The following GABRG1 variants were observed in gnomAD, a reference collection of about 807,000 sequenced individuals.
The protein encoded by GABRG1 is gamma-aminobutyric acid receptor subunit gamma-1.
A neutral mutation model predicts 49.8 loss-of-function variants in GABRG1; 49 were observed. That is an observed-to-expected ratio of 0.98 (90% CI 0.78 to 1.25). GABRG1 has a LOEUF of 1.25. Among genes scored for constraint, GABRG1 ranks in the 50% most tolerant of loss-of-function variants. GABRG1 has a pLI of 0.00. For synonymous variants in GABRG1, 232 were observed against 185.1 expected (o/e 1.25, Z -2.06); for missense variants, 552 against 552.3 (o/e 1.00, Z 0.01).
chr4:46,065,156 T>C (rs543647956), intron 4 of GABRG1, among the ~76,000 whole-genome samples: 34 of 152,266 alleles, frequency 2.2e-4, no homozygotes, highest in African/African-American at 7.5e-4. Context: ...TCAAAGAATT[T>C]TTTCTCTTTG....
intron 1 of GABRG1, among the ~76,000 whole-genome samples, chr4:46,123,222 G>A (rs1023717615): frequency 5.5e-4 from 83 of 150,618 alleles, no homozygotes; most frequent in African/African-American, 2.0e-3. Flanking sequence ...CTCAAAGCTG[G>A]TTCAAATTAA....
chr4:46,049,188 G>A (rs1450551567), intron 8 of GABRG1, among the ~76,000 whole-genome samples: 2 of 151,902 alleles, frequency 1.3e-5, no homozygotes, highest in African/African-American at 4.8e-5. Flanking sequence ...AGGCTTAATG[G>A]CAAGATGCTA....
At chr4:46,056,989 C>A (rs191724971) in intron 7 of GABRG1, among the ~76,000 whole-genome samples, 1 of 152,174 alleles carries the variant, frequency 6.6e-6, no homozygotes, top group African/African-American at 2.4e-5. Flanking sequence ...ATAAATAATC[C>A]ATTCAAATTC....
At chr4:46,049,285 C>G (rs1425068328) in intron 8 of GABRG1, among the ~76,000 whole-genome samples, 1 of 151,810 alleles carries the variant, frequency 6.6e-6, no homozygotes, top group African/African-American at 2.4e-5. Context: ...GTTGCCTGTT[C>G]CTCATAAAAG....
At chr4:46,119,988 T>C (rs2109448560) in intron 1 of GABRG1, among the ~76,000 whole-genome samples, 1 of 151,848 alleles carries the variant, frequency 6.6e-6, no homozygotes, top group African/African-American at 2.4e-5. Context: ...AAATTTTAAG[T>C]GCTAGTTTCT....
At chr4:46,060,139 GA>G (rs1026313026) in intron 5 of GABRG1, among the ~76,000 whole-genome samples, 14 of 152,036 alleles carry the variant, frequency 9.2e-5, no homozygotes, top group Admixed American at 8.5e-4. Context: ...CCAAGTGAAA[GA>G]AATTTGGGCT....
chr4:46,104,631 T>A (rs1365216570), intron 1 of GABRG1, among the ~76,000 whole-genome samples: 1 of 151,490 alleles, frequency 6.6e-6, no homozygotes, highest in East Asian at 2.0e-4. Context: ...AAAACACCTA[T>A]TTATATGTAT....
At chr4:46,122,399 C>A (rs1721113548) in intron 1 of GABRG1, among the ~76,000 whole-genome samples, 2 of 151,804 alleles carry the variant, frequency 1.3e-5, no homozygotes, top group Non-Finnish European at 2.9e-5. Context: ...TATGTGTATA[C>A]CTAAATATCT....
At chr4:46,116,947 T>C (rs1720912169) in intron 1 of GABRG1, among the ~76,000 whole-genome samples, 1 of 150,550 alleles carries the variant, frequency 6.6e-6, no homozygotes, top group African/African-American at 2.4e-5. Flanking sequence ...CTATTACACG[T>C]GCTGGAAAAT....
At chr4:46,057,084 AT>A (rs1718481546) in intron 7 of GABRG1, among the ~76,000 whole-genome samples, 2 of 152,136 alleles carry the variant, frequency 1.3e-5, no homozygotes, top group African/African-American at 4.8e-5. Context: ...CAAAAATACT[AT>A]GGTTAAGTTA....
At chr4:46,074,931 A>G (rs1719268332) in intron 3 of GABRG1, among the ~76,000 whole-genome samples, 1 of 152,056 alleles carries the variant, frequency 6.6e-6, no homozygotes, top group South Asian at 2.1e-4. Context: ...TCTGATTCTG[A>G]GACTTACTAG....
chr4:46,083,602 T>C (rs1296892734), intron 3 of GABRG1, among the ~76,000 whole-genome samples: 1 of 151,664 alleles, frequency 6.6e-6, no homozygotes, highest in Admixed American at 6.6e-5. Context: ...TATCAGGCTG[T>C]TTCATTCCTC....
At chr4:46,113,141 C>T (rs565015196) in intron 1 of GABRG1, among the ~76,000 whole-genome samples, 1 of 151,084 alleles carries the variant, frequency 6.6e-6, no homozygotes, top group Middle Eastern at 3.4e-3. Context: ...CCTCCTTGCC[C>T]GGCTTATTTG....
At chr4:46,065,299 GA>G (rs1329961276) in intron 4 of GABRG1, 64 bp downstream of exon 4, 9 of 1,124,638 alleles carry the variant, frequency 8.0e-6, no homozygotes, top group Non-Finnish European at 1.1e-5. Context: ...AAAAAATTAA[GA>G]ATTGATTAAA....
chr4:46,095,159 TAA>T (rs1244468418), intron 2 of GABRG1, among the ~76,000 whole-genome samples: 1 of 151,534 alleles, frequency 6.6e-6, no homozygotes. Flanking sequence ...ATGAATCAAC[TAA>T]AAACAGTTTA....
At chr4:46,061,844 G>A (rs542382853) in intron 5 of GABRG1, among the ~76,000 whole-genome samples, 164 of 142,552 alleles carry the variant, frequency 1.2e-3, no homozygotes, top group African/African-American at 4.1e-3. Flanking sequence ...GTTTTCTTTT[G>A]TTTTTATGTG....
Position 46,065,520 on chromosome 4 carries a change from G to GT in GABRG1, c.385dup (p.Thr129AsnfsTer8), listed in dbSNP as rs1331842054. 6.3e-7 allele frequency: 1 copy of GT among 1,589,274 alleles called. No individual in the cohort carries two copies. On this transcript the variant is annotated frameshift_variant, in exon 4 of 9. Transcript: ENST00000295452. LOFTEE classifies it high-confidence loss of function. The stretch of plus-strand genomic sequence containing the variant: ...ACTGTTAAGCATAAGCACTTTCATG[G>GT]TACTATTGAATTTTAAACGACTGTC...
chr4:46,095,456 T>C (rs1173861062), intron 2 of GABRG1, among the ~76,000 whole-genome samples: 2 of 151,712 alleles, frequency 1.3e-5, no homozygotes, highest in African/African-American at 4.8e-5. Flanking sequence ...GCTACCCAAA[T>C]TGAACAGCTC....
intron 8 of GABRG1, among the ~76,000 whole-genome samples, 156 bp downstream of exon 8, chr4:46,051,268 G>A (rs1277823020): frequency 6.6e-6 from 1 of 151,744 alleles, no homozygotes; most frequent in African/African-American, 2.4e-5. Flanking sequence ...CACTTTTCTT[G>A]GTGAGCAATG....
Sources: gnomAD v4.1 joint callset for allele counts (sites outside exome capture counted in the v4.1 genomes callset) on GRCh38, gnomAD v4.1.1 for gene constraint, MANE v1.5 for transcripts, NCBI Gene and HGNC (gene_info 2026-07-23, HGNC 2026-07-21) for gene names.